Variants in ITGAV observed in about 807,000 individuals in gnomAD.
ITGAV encodes integrin alpha-V.
A neutral mutation model predicts 143.8 loss-of-function variants in ITGAV; 76 were observed. That is an observed-to-expected ratio of 0.53 (90% CI 0.44 to 0.64). ITGAV has a LOEUF of 0.64. ITGAV is among the 30% of genes least tolerant of loss of function. ITGAV has a pLI of 0.00. For missense variants in ITGAV, 1,193 were observed against 1,274.7 expected (o/e 0.94, Z 0.98); for synonymous variants, 453 against 446.7 (o/e 1.01, Z -0.18).
chr2:186,616,380 G>A (rs1687361588), intron 2 of ITGAV, among the ~76,000 whole-genome samples: 2 of 143,030 alleles, frequency 1.4e-5, no homozygotes, highest in African/African-American at 5.2e-5. Context: ...CCGGGTTCAC[G>A]CCATTCTCCT....
chr2:186,663,755 T>C lies in ITGAV; in HGVS notation c.1858-13T>C, dbSNP rs777774516. 2 of 1,602,740 alleles carry C rather than the reference T, an allele frequency of 1.2e-6. No individual in the cohort carries two copies. Among genetic ancestry groups the C allele is most frequent in the Admixed American group, 3.3e-5 (2 of 59,766 alleles). ...GTATTTTTCATGTAGAAAAATAAAA[T>C]GTTTTTTTCTAGGCTCACATTCTAC... On this transcript the variant is annotated splice_polypyrimidine_tract_variant and intron_variant, in intron 18 of 29. Transcript: ENST00000261023.
At chr2:186,645,850 T>TA (rs1442768084) in intron 12 of ITGAV, among the ~76,000 whole-genome samples, 1 of 151,688 alleles carries the variant, frequency 6.6e-6, no homozygotes, top group Non-Finnish European at 1.5e-5. Flanking sequence ...CGGGCGCCTG[T>TA]AGTCCTAGCT....
chr2:186,630,661 C>T (rs921836009), intron 4 of ITGAV, 136 bp from the exon 5 acceptor site: 15 of 584,082 alleles, frequency 2.6e-5, no homozygotes, highest in Non-Finnish European at 4.8e-5. Context: ...GTGGTAATAA[C>T]TAAGTGCCCG....
chr2:186,627,415 C>T (rs1265270683), intron 4 of ITGAV, among the ~76,000 whole-genome samples: 1 of 152,154 alleles, frequency 6.6e-6, no homozygotes, highest in Non-Finnish European at 1.5e-5. Flanking sequence ...AGCTTTTCTA[C>T]AAAGAATACC....
At chr2:186,619,287 T>C (rs1320755801) in intron 2 of ITGAV, among the ~76,000 whole-genome samples, 1 of 151,818 alleles carries the variant, frequency 6.6e-6, no homozygotes, top group Non-Finnish European at 1.5e-5. Context: ...TTATGTTAAG[T>C]GAAATAAGCC....
chr2:186,675,524 G>GAA, intron 26 of ITGAV, 80 bp from the exon 27 acceptor site: 1 of 1,023,406 alleles, frequency 9.8e-7, no homozygotes, highest in Non-Finnish European at 1.5e-6. Flanking sequence ...CACACAAAAA[G>GAA]AAAAAAAATG....
In ITGAV at chr2:186,675,838, T is replaced by A. The variant is rs199524190; in HGVS notation, c.2839T>A (p.Ser947Thr). Residue 947 changes from serine (S) to threonine (T), a missense_variant, in exon 28 of 30, where the codon TCC (serine) becomes ACC (threonine). Coordinates refer to ENST00000261023, the MANE Select transcript of ITGAV (RefSeq NM_002210.5). Reference sequence around the variant, plus strand: ...CAAACAGAAAGAAAATCAGAATCATTCCTATTCTCTGAAGTCGTCTGCTTC... The same window carrying A: ...CAAACAGAAAGAAAATCAGAATCATACCTATTCTCTGAAGTCGTCTGCTTC... ...TFMNKENQNH[S>T]YSLKSSASFN... 8.0e-5 allele frequency: 129 copies of A among 1,603,410 alleles called. No individual in the cohort carries two copies. The highest frequency in any genetic ancestry group is 1.1e-4 in the Non-Finnish European group (124 of 1,172,824).
At chr2:186,620,026 A>G (rs1687478805) in intron 2 of ITGAV, among the ~76,000 whole-genome samples, 1 of 152,070 alleles carries the variant, frequency 6.6e-6, no homozygotes, top group African/African-American at 2.4e-5. Flanking sequence ...AAGGCTCTTG[A>G]TAACCACTCC....
chr2:186,665,233 T>C lies in ITGAV; in HGVS notation c.2166+15T>C. ...CTGGAACTCAAGTAAGACAATTTAATTAAACGGATTTTTCTCCCTGGCAAA... is the reference window on the plus strand; with the variant it reads ...CTGGAACTCAAGTAAGACAATTTAACTAAACGGATTTTTCTCCCTGGCAAA... On this transcript the variant is annotated intron_variant, in intron 21 of 29. Transcript: ENST00000261023. 1 of 1,520,404 alleles carries C rather than the reference T, an allele frequency of 6.6e-7. No individual in the cohort carries two copies. Among genetic ancestry groups the C allele is most frequent in the Non-Finnish European group, 9.1e-7 (1 of 1,096,778 alleles). 94.2% of individuals were successfully genotyped at this position (1,520,404 alleles called of 1,614,324 possible).
chr2:186,623,060 A>G (rs1687578938), intron 3 of ITGAV, among the ~76,000 whole-genome samples: 1 of 152,134 alleles, frequency 6.6e-6, no homozygotes, highest in African/African-American at 2.4e-5. Flanking sequence ...TTGAAGTGGA[A>G]TACAGAACAA....
intron 14 of ITGAV, among the ~76,000 whole-genome samples, chr2:186,651,330 A>T (rs181582165): frequency 6.6e-6 from 1 of 152,254 alleles, no homozygotes; most frequent in East Asian, 1.9e-4. Context: ...TAGGATTTAA[A>T]CCTGTGTATC....
At chr2:186,669,223 T>A (rs1031808775) in intron 25 of ITGAV, among the ~76,000 whole-genome samples, 1 of 152,182 alleles carries the variant, frequency 6.6e-6, no homozygotes, top group African/African-American at 2.4e-5. Context: ...GGGCATAATA[T>A]CACATCAAGG....
chr2:186,619,827 C>T (rs1687473147), intron 2 of ITGAV, among the ~76,000 whole-genome samples: 1 of 152,056 alleles, frequency 6.6e-6, no homozygotes, highest in Admixed American at 6.5e-5. Context: ...CCTGTCTCTA[C>T]TGAAAGTACA....
In ITGAV at chr2:186,590,311, G is replaced by A. The variant is rs577210581; in HGVS notation, c.-28G>A. 2 of 1,539,914 alleles carry A rather than the reference G, an allele frequency of 1.3e-6. No individual in the cohort carries two copies. The highest frequency in any genetic ancestry group is 1.7e-6 in the Non-Finnish European group (2 of 1,146,830). On this transcript the variant is annotated 5_prime_UTR_variant, in exon 1 of 30. Coordinates refer to ENST00000261023, the MANE Select transcript of ITGAV (RefSeq NM_002210.5). ...GCGGGGGGAGGTGGCTACCGCTCCC[G>A]GCTTGGCGTCCCGCGCGCACTTCGG...
At chr2:186,594,844 G>T (rs149826427) in intron 1 of ITGAV, among the ~76,000 whole-genome samples, 268 of 152,196 alleles carry the variant, frequency 1.8e-3, no homozygotes, top group African/African-American at 5.8e-3. Flanking sequence ...TATATTGGCT[G>T]ATTTTTCTCA....
At position 186,664,641 on chromosome 2, in the gene ITGAV, A is replaced by G. The variant is rs560984521; in HGVS notation, c.2073A>G (p.Glu691=). 7 of 1,614,038 alleles carry G rather than the reference A, an allele frequency of 4.3e-6. No homozygotes were observed. In the South Asian group the frequency reaches 6.6e-5, roughly 15 times the overall value. Reference sequence around the variant, plus strand: ...TCATCGGGGTTGTCCGAAACAATGAAGTAAGCAGGCTGCCTCTTTAAAAAT... The same window carrying G: ...TCATCGGGGTTGTCCGAAACAATGAGGTAAGCAGGCTGCCTCTTTAAAAAT... ...ADFIGVVRNN[E]ALARLSCAFK... The change falls in exon 20 of 30, where the codon GAA becomes GAG. Residue 691 remains glutamate, a splice_region_variant and synonymous_variant. Transcript: ENST00000261023.
intron 2 of ITGAV, among the ~76,000 whole-genome samples, chr2:186,604,704 TTTAA>T (rs201971324): frequency 0.014 from 2,149 of 152,342 alleles, 49 homozygotes; most frequent in African/African-American, 0.049. Flanking sequence ...TTTGCATTTC[TTTAA>T]TTAACAGTAA....
At chr2:186,643,498 T>A (rs760194818) in intron 12 of ITGAV, among the ~76,000 whole-genome samples, 9 of 152,344 alleles carry the variant, frequency 5.9e-5, no homozygotes, top group South Asian at 2.1e-4. Flanking sequence ...TACATGTATA[T>A]GTTCTATTAG....
chr2:186,645,730 G>C (rs1164214564), intron 12 of ITGAV, among the ~76,000 whole-genome samples: 1 of 152,174 alleles, frequency 6.6e-6, no homozygotes, highest in African/African-American at 2.4e-5. Flanking sequence ...CACTTTGGGA[G>C]GCCGAGGTGT....
Sources: allele counts gnomAD v4.1 joint callset (sites outside exome capture counted in the v4.1 genomes callset), GRCh38; gene constraint gnomAD v4.1.1; transcripts MANE v1.5; gene names NCBI Gene and HGNC (gene_info 2026-07-23, HGNC 2026-07-21).